APBA1: variants seen among roughly 807,000 people sequenced by gnomAD.
APBA1 encodes the protein amyloid beta precursor protein binding family A member 1, also known as amyloid-beta A4 precursor protein-binding family A member 1.
A neutral mutation model predicts 86.6 loss-of-function variants in APBA1; 55 were observed. The ratio of observed to expected loss-of-function variants is 0.64; its 90% CI spans 0.51 to 0.80. APBA1 has a LOEUF of 0.80. Ranked by LOEUF, APBA1 falls within the 30% of genes least tolerant of loss-of-function variation. The pLI is 0.00. For missense variants in APBA1, 1,090 were observed against 1,183.0 expected, an observed-to-expected ratio of 0.92 and a Z score of 1.15; for synonymous variants, 511 against 493.9, an observed-to-expected ratio of 1.03 and a Z score of -0.46.
chr9:69,658,348 T>TTC (rs1182957152), intron 1 of APBA1, among the ~76,000 whole-genome samples: 52 of 140,418 alleles, frequency 3.7e-4, no homozygotes, highest in Non-Finnish European at 1.7e-4. Flanking sequence ...CTTTCTTTCT[T>TTC]TCTTTCTTTC....
intron 1 of APBA1, among the ~76,000 whole-genome samples, chr9:69,601,025 G>C (rs567614197): frequency 2.4e-4 from 36 of 151,940 alleles, no homozygotes; most frequent in Non-Finnish European, 5.0e-4. Flanking sequence ...GGTATCCCTA[G>C]TATAATTTTA....
chr9:69,505,544 A>G (rs536850302), intron 2 of APBA1, among the ~76,000 whole-genome samples: 32 of 152,142 alleles, frequency 2.1e-4, no homozygotes, highest in African/African-American at 7.5e-4. Context: ...TTTTACTGCA[A>G]TTCTAGGATG....
intron 2 of APBA1, among the ~76,000 whole-genome samples, chr9:69,511,813 T>C (rs1836048097): frequency 1.3e-5 from 2 of 151,802 alleles, no homozygotes; most frequent in South Asian, 4.2e-4. Flanking sequence ...CTCAGTAAAC[T>C]ATCGCAAGAA....
At chr9:69,637,771 A>G (rs1205030751) in intron 1 of APBA1, among the ~76,000 whole-genome samples, 1 of 152,252 alleles carries the variant, frequency 6.6e-6, no homozygotes, top group African/African-American at 2.4e-5. Context: ...CAAAACTGTC[A>G]TACTTTTTAA....
At chr9:69,637,689 T>C (rs999925843) in intron 1 of APBA1, among the ~76,000 whole-genome samples, 3 of 152,238 alleles carry the variant, frequency 2.0e-5, no homozygotes, top group Non-Finnish European at 2.9e-5. Flanking sequence ...AAGATGTACT[T>C]GTCTTGTATA....
intron 2 of APBA1, among the ~76,000 whole-genome samples, chr9:69,482,880 A>G (rs1228179987): frequency 4.0e-5 from 6 of 150,410 alleles, no homozygotes; most frequent in African/African-American, 7.3e-5. Flanking sequence ...AAGAACAAAA[A>G]ACACCGCATA....
intron 1 of APBA1, among the ~76,000 whole-genome samples, chr9:69,583,124 T>A (rs576213093): frequency 1.3e-5 from 2 of 152,318 alleles, no homozygotes; most frequent in Admixed American, 1.3e-4. Context: ...TACAGGCGAT[T>A]GACCCCTGTG....
intron 2 of APBA1, among the ~76,000 whole-genome samples, chr9:69,502,595 A>G (rs534256144): frequency 2.0e-5 from 3 of 152,224 alleles, no homozygotes; most frequent in South Asian, 4.2e-4. Flanking sequence ...ATTGACAACT[A>G]AAGTCTCCTA....
chr9:69,453,282 G>A (rs1393792986), intron 8 of APBA1, among the ~76,000 whole-genome samples: 1 of 152,170 alleles, frequency 6.6e-6, no homozygotes, highest in Non-Finnish European at 1.5e-5. Context: ...TAGAAAGGGA[G>A]GGTTGGGTCT....
At chr9:69,588,046 A>C (rs1369207598) in intron 1 of APBA1, among the ~76,000 whole-genome samples, 3 of 150,848 alleles carry the variant, frequency 2.0e-5, no homozygotes, top group African/African-American at 7.3e-5. Context: ...AAAAAAAAGA[A>C]AGAAAAAGAA....
intron 1 of APBA1, among the ~76,000 whole-genome samples, chr9:69,580,320 T>G (rs1821890427): frequency 1.3e-5 from 2 of 152,166 alleles, no homozygotes; most frequent in Admixed American, 6.5e-5. Flanking sequence ...GGGTTAACAC[T>G]GAGTGGGTAT....
chr9:69,646,039 G>A (rs1203862838), intron 1 of APBA1, among the ~76,000 whole-genome samples: 1 of 152,184 alleles, frequency 6.6e-6, no homozygotes, highest in Non-Finnish European at 1.5e-5. Flanking sequence ...CTTAACACCA[G>A]TTGAAAGTAA....
chr9:69,486,633 C>T (rs1022451096), intron 2 of APBA1, among the ~76,000 whole-genome samples: 2 of 151,898 alleles, frequency 1.3e-5, no homozygotes, highest in African/African-American at 4.8e-5. Flanking sequence ...TTCAGCTGAA[C>T]CCTGAACACC....
intron 1 of APBA1, among the ~76,000 whole-genome samples, chr9:69,658,280 C>CTTTT (rs138931756): frequency 1.6e-5 from 1 of 62,564 alleles, no homozygotes; most frequent in Non-Finnish European, 3.3e-5. Context: ...TTCTTTCTTT[C>CTTTT]TTTCTCTCTC....
chr9:69,463,598 C>T (rs1835227695), intron 5 of APBA1: 1 of 152,206 alleles, frequency 6.6e-6, no homozygotes, highest in Admixed American at 6.5e-5. Context: ...GAAACCTAAG[C>T]TTCAAGGTCA....
intron 8 of APBA1, among the ~76,000 whole-genome samples, chr9:69,455,844 C>A (rs1835086595): frequency 6.6e-6 from 1 of 152,128 alleles, no homozygotes; most frequent in Non-Finnish European, 1.5e-5. Flanking sequence ...ACGCAGCTAG[C>A]CCCTGCCTCA....
chr9:69,582,560 T>A (rs1489496132), intron 1 of APBA1, among the ~76,000 whole-genome samples: 1 of 152,188 alleles, frequency 6.6e-6, no homozygotes, highest in Non-Finnish European at 1.5e-5. Context: ...TCTAGCCTGG[T>A]ACCTGCTTCT....
intron 10 of APBA1, among the ~76,000 whole-genome samples, chr9:69,443,355 T>C (rs905249293): frequency 1.3e-5 from 2 of 152,212 alleles, no homozygotes; most frequent in Non-Finnish European, 1.5e-5. Flanking sequence ...AATTTCTCCA[T>C]GGATGATTAC....
At chr9:69,434,792 C>T (rs1409434994) in intron 11 of APBA1, among the ~76,000 whole-genome samples, 2 of 151,244 alleles carry the variant, frequency 1.3e-5, no homozygotes, top group African/African-American at 2.4e-5. Flanking sequence ...TCCACTTTAA[C>T]GTTTTTATTA....
Sources: allele counts gnomAD v4.1 joint callset (sites outside exome capture counted in the v4.1 genomes callset), GRCh38; gene constraint gnomAD v4.1.1; transcripts MANE v1.5; gene names NCBI Gene and HGNC (gene_info 2026-07-23, HGNC 2026-07-21).